TM6SF1: variants seen among roughly 807,000 people sequenced by gnomAD.
The protein encoded by TM6SF1 is transmembrane 6 superfamily member 1.
In TM6SF1, 43 loss-of-function variants were observed where a neutral mutation model predicts 47.1. The observed-to-expected ratio is 0.91, with a 90% CI of 0.72 to 1.18. TM6SF1 has a LOEUF of 1.18. TM6SF1 is among the 50% of genes most tolerant of loss of function. TM6SF1 has a pLI of 0.00. For synonymous variants in TM6SF1, 177 were observed against 166.3 expected, an observed-to-expected ratio of 1.06 and a Z score of -0.49; for missense variants, 390 against 449.0, an observed-to-expected ratio of 0.87 and a Z score of 1.19.
At chr15:83,119,956 A>G (rs1326908607) in intron 4 of TM6SF1, 5 of 354,656 alleles carry the variant, frequency 1.4e-5, no homozygotes, top group Middle Eastern at 8.1e-4. Flanking sequence ...ATTTTCAGCA[A>G]TTAAAGCTAA....
At chr15:83,123,981 TC>T (rs1419248212) in intron 6 of TM6SF1, among the ~76,000 whole-genome samples, 1 of 152,202 alleles carries the variant, frequency 6.6e-6, no homozygotes, top group African/African-American at 2.4e-5. Flanking sequence ...ATAATTCTGC[TC>T]CTAGAGCCCT....
At chr15:83,122,952 T>A in intron 6 of TM6SF1, 74 bp downstream of exon 6, 2 of 1,547,858 alleles carry the variant, frequency 1.3e-6, no homozygotes, top group Non-Finnish European at 1.8e-6. Context: ...GCCACTGAAT[T>A]GAACCATGCC....
chr15:83,126,921 G>A (rs1046753835), intron 8 of TM6SF1, 74 bp downstream of exon 8: 18 of 1,190,094 alleles, frequency 1.5e-5, no homozygotes, highest in African/African-American at 6.1e-5. Flanking sequence ...AGCTGGGTGC[G>A]GTGGCTCACG....
chr15:83,121,615 A>T (rs188205554), intron 4 of TM6SF1, among the ~76,000 whole-genome samples: 2 of 152,250 alleles, frequency 1.3e-5, no homozygotes, highest in East Asian at 3.9e-4. Flanking sequence ...CATGCTGTTG[A>T]GTTTCACACA....
Position 83,115,899 on chromosome 15 carries a change from A to G in TM6SF1, c.251A>G (p.Gln84Arg). The change falls in exon 3 of 10, where the codon CAA (glutamine) becomes CGA (arginine). Residue 84 changes from glutamine to arginine, a missense_variant. Physicochemically the swap from Gln to Arg is conservative, Grantham distance 43 (BLOSUM62 1). Coordinates refer to ENST00000322019, the MANE Select transcript of TM6SF1 (RefSeq NM_023003.5). ...GTGAACCTCATCATAGGACTGGAGC[A>G]AGATGGAATCATTGACGGGTTCATG... ...SVVNLIIGLEQDGIIDGFMTH... is the reference protein window; with the variant it reads ...SVVNLIIGLERDGIIDGFMTH... 6.2e-7 allele frequency: 1 copy of G among 1,614,178 alleles called. No individual in the cohort carries two copies. The highest frequency in any genetic ancestry group is 2.2e-5 in the East Asian group (1 of 44,890).
chr15:83,120,094 A>G (rs535189500), intron 4 of TM6SF1: 1 of 182,418 alleles, frequency 5.5e-6, no homozygotes, highest in East Asian at 1.4e-4. Flanking sequence ...GCTTGGCTAC[A>G]TGGCTTGTCC....
At chr15:83,114,475 A>C (rs1021753657) in intron 2 of TM6SF1, 5 of 152,348 alleles carry the variant, frequency 3.3e-5, no homozygotes, top group African/African-American at 1.2e-4. Context: ...GGCTTCTGGA[A>C]AATGAGTATC....
intron 4 of TM6SF1, among the ~76,000 whole-genome samples, chr15:83,120,747 T>C (rs1596492660): frequency 6.6e-6 from 1 of 151,972 alleles, no homozygotes; most frequent in South Asian, 2.1e-4. Flanking sequence ...AGTACACAAA[T>C]CTAAACATTT....
Position 83,119,671 on chromosome 15 carries a change from A to G in TM6SF1, c.388A>G (p.Ile130Val), listed in dbSNP as rs377431850. ...YLMYLVMVAA[I>V]AWEETYRTIG... ...GATGTACCTGGTGATGGTGGCAGCC[A>G]TAGCATGGGAGTAAGTCAGTTCACC... Residue 130 changes from isoleucine (I) to valine (V), a missense_variant, in exon 4 of 10, where the codon ATA becomes GTA. Ile to Val is a conservative substitution (Grantham distance 29). Coordinates refer to ENST00000322019, the MANE Select transcript of TM6SF1 (RefSeq NM_023003.5). The G allele has an allele frequency of 4.3e-6, 7 of 1,614,202 alleles. No individual in the cohort carries two copies. Among genetic ancestry groups the G allele is most frequent in the Non-Finnish European group, 5.9e-6 (7 of 1,180,010 alleles).
chr15:83,115,390 T>A (rs1233569188), intron 2 of TM6SF1: 1 of 315,562 alleles, frequency 3.2e-6, no homozygotes, highest in Admixed American at 4.4e-5. Flanking sequence ...AGTGCTGGGA[T>A]TACAGACTTG....
At chr15:83,124,904 A>C (rs1029680270) in intron 7 of TM6SF1, 128 bp downstream of exon 7, 3 of 800,954 alleles carry the variant, frequency 3.7e-6, no homozygotes, top group Non-Finnish European at 4.0e-6. Context: ...CATTCCTCCC[A>C]TCAAAGCCTG....
rs2036651642 is a variant in TM6SF1, at chr15:83,136,926, ATT to A, written c.*255_*256del. The A allele has an allele frequency of 3.6e-6, 1 of 280,644 alleles. No individual in the cohort carries two copies. Among genetic ancestry groups the A allele is most frequent in the Admixed American group, 4.7e-5 (1 of 21,284 alleles). The allele number at this position is 280,644 out of a possible 1,614,324, so 17.4% of individuals were successfully genotyped here. Reference sequence around the variant, plus strand: ...AATAAACTTGATCATCCATCTCAATATTGTTTGACATATAAAATAATTATAAG... The same window carrying A: ...AATAAACTTGATCATCCATCTCAATAGTTTGACATATAAAATAATTATAAG... On this transcript the variant is annotated 3_prime_UTR_variant, in exon 10 of 10. Coordinates refer to ENST00000322019, the MANE Select transcript of TM6SF1 (RefSeq NM_023003.5).
At chr15:83,112,087 C>T (rs1474961503) in intron 1 of TM6SF1, among the ~76,000 whole-genome samples, 1 of 152,136 alleles carries the variant, frequency 6.6e-6, no homozygotes, top group East Asian at 1.9e-4. Flanking sequence ...GGCTTTGGCC[C>T]CTGCTGTCCT....
intron 1 of TM6SF1, among the ~76,000 whole-genome samples, chr15:83,110,233 C>T (rs1305818185): frequency 6.6e-6 from 1 of 152,176 alleles, no homozygotes; most frequent in African/African-American, 2.4e-5. Context: ...CTCATCCTTG[C>T]ATGTCCCCTC....
intron 9 of TM6SF1, chr15:83,128,754 A>T (rs542537372): frequency 6.6e-6 from 1 of 152,230 alleles, no homozygotes; most frequent in East Asian, 1.9e-4. Context: ...GTCCAATTGC[A>T]TCCAGCAACT....
intron 1 of TM6SF1, among the ~76,000 whole-genome samples, chr15:83,109,628 T>C (rs2033963957): frequency 6.6e-6 from 1 of 152,168 alleles, no homozygotes; most frequent in Non-Finnish European, 1.5e-5. Context: ...TGTTCCCTCC[T>C]TTCAGTTCTC....
Position 83,124,789 on chromosome 15 carries a change from GATC to G in TM6SF1, c.708+16_708+18del, listed in dbSNP as rs745440734. On this transcript the variant is annotated intron_variant, in intron 7 of 9. Transcript: ENST00000322019. ...GTTCAGAGGTTTGGTAAGCATAACA[GATC>G]ATAATAACGTAACATTGTGATACTA... is the stretch of plus-strand genomic sequence containing the variant. 6.3e-7 allele frequency: 1 copy of G among 1,590,316 alleles called. No homozygotes were observed. The highest frequency in any genetic ancestry group is 1.7e-5 in the Admixed American group (1 of 59,704).
chr15:83,136,234 C>G (rs2036598667), intron 9 of TM6SF1: 1 of 338,848 alleles, frequency 3.0e-6, no homozygotes, highest in Non-Finnish European at 5.3e-6. Context: ...CATGATAAAA[C>G]TACACTAAAT....
intron 1 of TM6SF1, chr15:83,111,631 G>A (rs1398661699): frequency 1.0e-6 from 1 of 985,308 alleles, no homozygotes; most frequent in Non-Finnish European, 1.2e-6. Context: ...GTGTGGAGGG[G>A]TCTCAGTTGA....
Sources: gnomAD v4.1 joint callset for allele counts (sites outside exome capture counted in the v4.1 genomes callset) on GRCh38, gnomAD v4.1.1 for gene constraint, MANE v1.5 for transcripts, NCBI Gene and HGNC (gene_info 2026-07-23, HGNC 2026-07-21) for gene names.